The following LYRM4 variants were observed in gnomAD, a reference collection of about 807,000 sequenced individuals.
LYRM4 encodes LYR motif-containing protein 4.
LYRM4 carries 9 observed loss-of-function variants against 11.7 expected under a neutral mutation model. The observed-to-expected ratio is 0.77, with a 90% CI of 0.46 to 1.34. The LOEUF is 1.34. LYRM4 is among the 40% of genes most tolerant of loss of function. LYRM4 has a pLI of 0.00. For missense variants in LYRM4, 133 were observed against 112.5 expected, an observed-to-expected ratio of 1.18 and a Z score of -0.82; for synonymous variants, 42 against 40.4, an observed-to-expected ratio of 1.04 and a Z score of -0.15.
At chr6:5,049,644 C>T in the LYRM4 span, among the ~76,000 whole-genome samples, 2 of 151,760 alleles carry the variant, frequency 1.3e-5, no homozygotes, top group African/African-American at 4.8e-5. Flanking sequence ...AATTGAATTC[C>T]TTCTCCTGGT....
At chr6:5,201,996 G>T (rs906645438) in intron 2 of LYRM4, among the ~76,000 whole-genome samples, 1 of 152,144 alleles carries the variant, frequency 6.6e-6, no homozygotes, top group Non-Finnish European at 1.5e-5. Context: ...GCCCTGCAGG[G>T]TCATCCTCTT....
chr6:5,101,458 C>G (rs1375552822), downstream of LYRM4, among the ~76,000 whole-genome samples: 4 of 152,094 alleles, frequency 2.6e-5, no homozygotes, highest in African/African-American at 4.8e-5. Flanking sequence ...TTATAGCAAC[C>G]CTGCAAAGTA....
At chr6:5,259,968 G>A (rs1448679968) in intron 1 of LYRM4, among the ~76,000 whole-genome samples, 2 of 152,136 alleles carry the variant, frequency 1.3e-5, no homozygotes, top group East Asian at 1.9e-4. Context: ...GTGGGGAGGC[G>A]TGAGAAAAAG....
intron 1 of LYRM4, among the ~76,000 whole-genome samples, chr6:5,221,677 G>A (rs1020622961): frequency 6.6e-6 from 1 of 152,218 alleles, no homozygotes; most frequent in Non-Finnish European, 1.5e-5. Flanking sequence ...GGGCTACAGG[G>A]CAAGACAATG....
chr6:5,093,411 G>T, the LYRM4 span, among the ~76,000 whole-genome samples: 2 of 152,374 alleles, frequency 1.3e-5, no homozygotes, highest in Non-Finnish European at 1.5e-5. Flanking sequence ...CTGCCTTGGG[G>T]CTCCAAGCCC....
chr6:5,253,620 T>C lies in LYRM4; in HGVS notation c.86+7028A>G, dbSNP rs539264135. Among the ~76,000 whole-genome samples, 3 of 152,162 alleles carry C rather than the reference T, an allele frequency of 2.0e-5. No individual in the cohort carries two copies. The East Asian group carries it at 5.8e-4, about 29-fold the overall frequency. On this transcript the variant is annotated intron_variant, in intron 1 of 2. Coordinates refer to ENST00000330636, the MANE Select transcript of LYRM4 (RefSeq NM_020408.6). ...TACAGTGCTGTGGTGGTTCAAGAAG[T>C]TTTGCAAAGGAGACGAGAGCCTTGA...
At chr6:5,127,615 A>G (rs867349365) in intron 2 of LYRM4, among the ~76,000 whole-genome samples, 8 of 152,216 alleles carry the variant, frequency 5.3e-5, no homozygotes, top group Non-Finnish European at 8.8e-5. Flanking sequence ...ACTTAGTAAG[A>G]AAAAAAGGAA....
the LYRM4 span, among the ~76,000 whole-genome samples, chr6:5,047,899 G>A: frequency 9.9e-5 from 15 of 152,184 alleles, no homozygotes; most frequent in African/African-American, 3.6e-4. Context: ...TGTGCCCTGG[G>A]TGGGGGTTAT....
chr6:5,100,985 C>G (rs1035097870), downstream of LYRM4, among the ~76,000 whole-genome samples: 4 of 152,206 alleles, frequency 2.6e-5, no homozygotes, highest in African/African-American at 7.2e-5. Flanking sequence ...AGTCCCCTTA[C>G]GTCTCCGTGC....
chr6:5,044,809 T>G, the LYRM4 span, among the ~76,000 whole-genome samples: 1 of 152,186 alleles, frequency 6.6e-6, no homozygotes, highest in Admixed American at 6.5e-5. Context: ...TGAATGCAAA[T>G]CCAGAATAAT....
At chr6:5,043,860 C>T in the LYRM4 span, among the ~76,000 whole-genome samples, 1 of 152,200 alleles carries the variant, frequency 6.6e-6, no homozygotes, top group East Asian at 1.9e-4. Context: ...AGCCCCTATA[C>T]CCCAGAGCCT....
the LYRM4 span, among the ~76,000 whole-genome samples, chr6:5,041,794 A>T: frequency 6.6e-6 from 1 of 152,224 alleles, no homozygotes; most frequent in African/African-American, 2.4e-5. Flanking sequence ...CTTGTAATTC[A>T]TCTCTGCTAA....
At chr6:5,099,563 T>C (rs1183997210), downstream of LYRM4, among the ~76,000 whole-genome samples, 1 of 152,216 alleles carries the variant, frequency 6.6e-6, no homozygotes, top group Non-Finnish European at 1.5e-5. This position sits in a 1 kb window ranked among gnomAD's most constrained non-coding sequence, Gnocchi z 4.3. Context: ...CCTTGTAGCC[T>C]ATGTCAATTA....
chr6:5,148,626 T>C (rs1464008092), intron 2 of LYRM4, among the ~76,000 whole-genome samples: 3 of 146,076 alleles, frequency 2.1e-5, no homozygotes, highest in Admixed American at 7.0e-5. Flanking sequence ...AAAGAATTCA[T>C]ATTAGGTGAC....
At chr6:5,189,748 C>T (rs1243301940) in intron 2 of LYRM4, among the ~76,000 whole-genome samples, 1 of 152,196 alleles carries the variant, frequency 6.6e-6, no homozygotes, top group African/African-American at 2.4e-5. Context: ...AAGTAAAACA[C>T]ACAAAGGTGG....
intron 2 of LYRM4, among the ~76,000 whole-genome samples, chr6:5,197,276 T>G (rs962150094): frequency 6.6e-6 from 1 of 152,116 alleles, no homozygotes; most frequent in Non-Finnish European, 1.5e-5. Context: ...ACTGAGTTGG[T>G]TGAAGGGGGG....
chr6:5,169,182 G>C (rs1169003515), intron 2 of LYRM4, among the ~76,000 whole-genome samples: 2 of 152,130 alleles, frequency 1.3e-5, no homozygotes, highest in African/African-American at 4.8e-5. Flanking sequence ...TCCTGCCTCA[G>C]CCTCTAGAGT....
chr6:5,194,850 G>T (rs1760962996), intron 2 of LYRM4, among the ~76,000 whole-genome samples: 1 of 152,136 alleles, frequency 6.6e-6, no homozygotes, highest in Admixed American at 6.6e-5. Context: ...CAGCCTCCTG[G>T]GTAGCTGGGA....
chr6:5,185,813 T>A (rs1390906780), intron 2 of LYRM4, among the ~76,000 whole-genome samples: 1 of 152,036 alleles, frequency 6.6e-6, no homozygotes, highest in Non-Finnish European at 1.5e-5. Context: ...TGGCGGTGGA[T>A]GTGATCACAG....
Sources: gnomAD v4.1 joint callset for allele counts (sites outside exome capture counted in the v4.1 genomes callset) on GRCh38, gnomAD v4.1.1 for gene constraint, Gnocchi (gnomAD v3.1) non-coding constraint, MANE v1.5 for transcripts, NCBI Gene and HGNC (gene_info 2026-07-23, HGNC 2026-07-21) for gene names.